Variants in AGBL4 observed in about 807,000 individuals in gnomAD.
AGBL4 encodes AGBL carboxypeptidase 4, also known as cytosolic carboxypeptidase 6.
In AGBL4, 58 loss-of-function variants were observed where a neutral mutation model predicts 66.4. The ratio of observed to expected loss-of-function variants is 0.87; its 90% CI spans 0.71 to 1.09. AGBL4 has a LOEUF of 1.09. Among genes scored for constraint, AGBL4 ranks in the 50% least tolerant of loss-of-function variants. The probability of loss-of-function intolerance (pLI) is 0.00; values close to 1 mark genes in which losing one functional copy is unlikely to be tolerated. For synonymous variants in AGBL4, 234 were observed against 222.9 expected, an observed-to-expected ratio of 1.05 and a Z score of -0.44; for missense variants, 579 against 631.0, an observed-to-expected ratio of 0.92 and a Z score of 0.88.
At chr1:49,985,893 A>G (rs1659462748) in intron 1 of AGBL4, among the ~76,000 whole-genome samples, 1 of 152,094 alleles carries the variant, frequency 6.6e-6, no homozygotes, top group African/African-American at 2.4e-5. Flanking sequence ...AAGTGGGTAA[A>G]TAATTTTCCC....
At chr1:49,106,904 T>G (rs1187617778) in intron 4 of AGBL4, among the ~76,000 whole-genome samples, 1 of 152,184 alleles carries the variant, frequency 6.6e-6, no homozygotes, top group Non-Finnish European at 1.5e-5. Context: ...TTGTAATGGT[T>G]AACACTACTT....
At chr1:49,561,271 G>C (rs1644032957) in intron 3 of AGBL4, among the ~76,000 whole-genome samples, 1 of 151,396 alleles carries the variant, frequency 6.6e-6, no homozygotes. Context: ...TATATTTTTT[G>C]CTTTTTATTT....
At chr1:49,096,504 C>A (rs891267937) in intron 4 of AGBL4, among the ~76,000 whole-genome samples, 20 of 151,736 alleles carry the variant, frequency 1.3e-4, no homozygotes, top group Non-Finnish European at 5.9e-5. Flanking sequence ...GAATACTATG[C>A]AGCCATAAAA....
chr1:49,576,579 C>G (rs1644440745), intron 3 of AGBL4, among the ~76,000 whole-genome samples: 1 of 152,238 alleles, frequency 6.6e-6, no homozygotes, highest in African/African-American at 2.4e-5. Flanking sequence ...GCGAATTGAA[C>G]TGCCTATGAT....
chr1:49,740,320 A>G (rs985050668), intron 2 of AGBL4, among the ~76,000 whole-genome samples: 1 of 152,140 alleles, frequency 6.6e-6, no homozygotes. Flanking sequence ...TACATAATGG[A>G]AAAGGGAACA....
chr1:49,706,464 G>A (rs934021781), intron 2 of AGBL4, among the ~76,000 whole-genome samples: 60 of 151,720 alleles, frequency 4.0e-4, no homozygotes, highest in African/African-American at 4.1e-4. Context: ...TCTGGCCAGC[G>A]GTCTATCTAT....
intron 3 of AGBL4, among the ~76,000 whole-genome samples, chr1:49,355,143 A>G (rs1643993633): frequency 6.6e-6 from 1 of 152,226 alleles, no homozygotes. Flanking sequence ...TTCGAAGTCG[A>G]CTTTTTAATA....
At chr1:49,415,467 C>T (rs1045355974) in intron 3 of AGBL4, among the ~76,000 whole-genome samples, 5 of 152,122 alleles carry the variant, frequency 3.3e-5, no homozygotes, top group Non-Finnish European at 5.9e-5. Flanking sequence ...AAGCATTGAA[C>T]TTCATATCAG....
At chr1:48,557,535 T>C (rs533501662) in intron 11 of AGBL4, among the ~76,000 whole-genome samples, 2 of 151,860 alleles carry the variant, frequency 1.3e-5, no homozygotes, top group Non-Finnish European at 3.0e-5. Context: ...AATACCACCA[T>C]CTGAAGGCAT....
chr1:49,011,429 G>A (rs1662398020), intron 5 of AGBL4, among the ~76,000 whole-genome samples: 1 of 152,192 alleles, frequency 6.6e-6, no homozygotes, highest in Non-Finnish European at 1.5e-5. Context: ...TTACACTGTT[G>A]GTGGGACTGT....
At position 49,213,522 on chromosome 1, in the gene AGBL4, C is replaced by T. The variant is rs556206262; in HGVS notation, c.377+32248G>A. Among the ~76,000 whole-genome samples the T allele has an allele frequency of 4.0e-4, 61 of 152,048 alleles. 2 individuals carry two copies. The South Asian group carries it at 0.012, about 31-fold the overall frequency. ...CCCCCCACCCTTGCTCCTATTTCCGCCATGTGAGACGCTTGCTCCTCATTT... is the reference window on the plus strand; with the variant it reads ...CCCCCCACCCTTGCTCCTATTTCCGTCATGTGAGACGCTTGCTCCTCATTT... On this transcript the variant is annotated intron_variant, in intron 4 of 13. Coordinates refer to ENST00000371839, the MANE Select transcript of AGBL4 (RefSeq NM_032785.4).
intron 3 of AGBL4, among the ~76,000 whole-genome samples, chr1:49,437,949 A>C (rs1354734691): frequency 6.6e-6 from 1 of 152,146 alleles, no homozygotes; most frequent in Non-Finnish European, 1.5e-5. Flanking sequence ...AAGAATGTTC[A>C]CAATTGGATT....
intron 2 of AGBL4, among the ~76,000 whole-genome samples, chr1:49,736,776 T>C (rs904680159): frequency 2.6e-5 from 4 of 151,648 alleles, no homozygotes; most frequent in Non-Finnish European, 4.4e-5. Flanking sequence ...CATCTGACAA[T>C]GGTGTAACTT....
chr1:48,762,516 T>C lies in AGBL4; in HGVS notation c.635-99275A>G, dbSNP rs544896469. Among the ~76,000 whole-genome samples, 20 of 152,258 alleles carry C rather than the reference T, an allele frequency of 1.3e-4. No homozygotes were observed. The South Asian group carries it at 4.2e-3, about 32-fold the overall frequency. On this transcript the variant is annotated intron_variant, in intron 6 of 13. Coordinates refer to ENST00000371839, the MANE Select transcript of AGBL4 (RefSeq NM_032785.4). ...TGCTGTTTCTCATAGTCCTCAAAGG[T>C]TCCCACTGGTGTATCCCAAATGCGT...
At position 49,127,549 on chromosome 1, in the gene AGBL4, T is replaced by C. The variant is rs138890044; in HGVS notation, c.378-81749A>G. Among the ~76,000 whole-genome samples the C allele has an allele frequency of 6.5e-3, 995 of 152,136 alleles. 4 individuals are homozygous for C. Among genetic ancestry groups the C allele is most frequent in the Admixed American group, 0.014 (218 of 15,254 alleles). Reference sequence around the variant, plus strand: ...AGAAAAAGAGCTTCAGAAATATGCATGGGGTGAACTTGAAATTTTACTGTC... The same window carrying C: ...AGAAAAAGAGCTTCAGAAATATGCACGGGGTGAACTTGAAATTTTACTGTC... On this transcript the variant is annotated intron_variant, in intron 4 of 13. Transcript: ENST00000371839.
chr1:48,586,770 G>GGTCCCA (rs1644827192), intron 11 of AGBL4: 1 of 506,834 alleles, frequency 2.0e-6, no homozygotes, highest in Non-Finnish European at 3.6e-6. Flanking sequence ...GGCAGGCCAT[G>GGTCCCA]GGTCCGGCTG....
At chr1:49,048,794 G>C (rs144653661) in intron 4 of AGBL4, among the ~76,000 whole-genome samples, 2 of 150,534 alleles carry the variant, frequency 1.3e-5, no homozygotes, top group African/African-American at 4.9e-5. Flanking sequence ...AAAATTTGAA[G>C]CCAAGAGAGG....
chr1:49,416,866 A>G (rs1423607731), intron 3 of AGBL4, among the ~76,000 whole-genome samples: 1 of 152,132 alleles, frequency 6.6e-6, no homozygotes, highest in African/African-American at 2.4e-5. Flanking sequence ...ACCTACATGC[A>G]ACAATGGCAA....
chr1:48,822,830 C>T (rs1646345508), intron 6 of AGBL4, among the ~76,000 whole-genome samples: 1 of 152,214 alleles, frequency 6.6e-6, no homozygotes, highest in African/African-American at 2.4e-5. Flanking sequence ...CTCTGGAGAA[C>T]TCTGACTAAT....
Sources: allele counts gnomAD v4.1 joint callset (sites outside exome capture counted in the v4.1 genomes callset), GRCh38; gene constraint gnomAD v4.1.1; transcripts MANE v1.5; gene names NCBI Gene and HGNC (gene_info 2026-07-23, HGNC 2026-07-21).